Variants in HHIP observed in about 807,000 individuals in gnomAD.
HHIP encodes hedgehog-interacting protein.
In HHIP, 12 loss-of-function variants were observed where a neutral mutation model predicts 74.0. That is an observed-to-expected ratio of 0.16 (90% CI 0.10 to 0.26). The LOEUF (loss-of-function observed/expected upper bound fraction) is 0.26, where lower values mean the gene tolerates loss of function less well. Ranked by LOEUF, HHIP falls within the 10% of genes least tolerant of loss-of-function variation. The pLI is 1.00. For missense variants in HHIP, 788 were observed against 845.0 expected (o/e 0.93, Z 0.84); for synonymous variants, 309 against 311.6 (o/e 0.99, Z 0.09).
At chr4:144,702,996 C>G (rs1730029853) in intron 4 of HHIP, among the ~76,000 whole-genome samples, 1 of 152,108 alleles carries the variant, frequency 6.6e-6, no homozygotes, top group African/African-American at 2.4e-5. Context: ...GAGGGCGGAT[C>G]ACCTGAGGTC....
intron 2 of HHIP, among the ~76,000 whole-genome samples, chr4:144,656,491 C>T (rs1728560384): frequency 6.6e-6 from 1 of 152,128 alleles, no homozygotes; most frequent in South Asian, 2.1e-4. Context: ...AATTGACCAC[C>T]AGCATTGTTT....
chr4:144,685,083 G>C (rs1729452419), intron 4 of HHIP, among the ~76,000 whole-genome samples: 1 of 152,136 alleles, frequency 6.6e-6, no homozygotes, highest in Non-Finnish European at 1.5e-5. Context: ...CGTCCATGTG[G>C]GCCATAAGCT....
At chr4:144,716,739 C>A (rs1178219568) in intron 10 of HHIP, among the ~76,000 whole-genome samples, 3 of 151,234 alleles carry the variant, frequency 2.0e-5, no homozygotes, top group African/African-American at 4.9e-5. Context: ...ATCACAGTTA[C>A]TTGGGAGGCT....
chr4:144,684,068 A>AC (rs1332828187), intron 4 of HHIP, among the ~76,000 whole-genome samples: 18 of 150,612 alleles, frequency 1.2e-4, no homozygotes, highest in South Asian at 1.1e-3. Context: ...GTCTAAAAAA[A>AC]AAAGAAAAGA....
intron 4 of HHIP, among the ~76,000 whole-genome samples, chr4:144,665,261 G>T (rs1300470216): frequency 6.6e-6 from 1 of 152,066 alleles, no homozygotes; most frequent in Non-Finnish European, 1.5e-5. Context: ...TAGAGACAGG[G>T]TTTCCTCATG....
At chr4:144,666,217 C>T (rs1383050693) in intron 4 of HHIP, among the ~76,000 whole-genome samples, 2 of 149,454 alleles carry the variant, frequency 1.3e-5, no homozygotes, top group East Asian at 4.0e-4. Context: ...TACAGAATTC[C>T]CTTTTGAAGA....
intron 11 of HHIP, among the ~76,000 whole-genome samples, chr4:144,731,370 G>A (rs1378434416): frequency 6.6e-6 from 1 of 152,156 alleles, no homozygotes; most frequent in East Asian, 1.9e-4. Context: ...ATATTTCAGA[G>A]AGTGTATTTG....
chr4:144,711,322 G>T (rs1560715617), intron 7 of HHIP, among the ~76,000 whole-genome samples: 1 of 151,826 alleles, frequency 6.6e-6, no homozygotes, highest in Admixed American at 6.6e-5. Flanking sequence ...TAACACTGTT[G>T]TTTTTTTTAT....
rs569819777 is a variant in HHIP, at chr4:144,739,168, A to G, written c.*1211A>G. 6.6e-6 allele frequency: 1 copy of G among 152,372 alleles called. No homozygotes were observed. Among genetic ancestry groups the G allele is most frequent in the East Asian group, 1.9e-4 (1 of 5,186 alleles). The allele number at this position is 152,372 out of a possible 1,614,324, so 9.4% of individuals were successfully genotyped here. ...AAAATACTCTTTGGCTAATGTATCA[A>G]TAAATTTTCTGTAAATGTTCTGTTC... On this transcript the variant is annotated 3_prime_UTR_variant, in exon 13 of 13. Transcript: ENST00000296575.
rs1320799892 is a variant in HHIP at position 144,743,089 on chromosome 4, T to C, written c.*5132T>C. ...AACCATGGAACCTGCCAAACACTAA[T>C]CCTAGCCAACTTCAATCCTTCTTTC... On this transcript the variant is annotated 3_prime_UTR_variant, in exon 13 of 13. Transcript: ENST00000296575. The C allele has an allele frequency of 2.0e-5, 3 of 146,528 alleles. No individual in the cohort carries two copies. The highest frequency in any genetic ancestry group is 7.5e-5 in the African/African-American group (3 of 39,918). 9.1% of individuals were successfully genotyped at this position (146,528 alleles called of 1,614,324 possible).
chr4:144,731,997 T>C (rs1730971887), intron 11 of HHIP, among the ~76,000 whole-genome samples: 1 of 152,100 alleles, frequency 6.6e-6, no homozygotes, highest in Non-Finnish European at 1.5e-5. Context: ...TTATGTCTTA[T>C]CTCCCTGAAG....
intron 11 of HHIP, among the ~76,000 whole-genome samples, chr4:144,727,679 T>C (rs371615681): frequency 6.6e-6 from 1 of 152,206 alleles, no homozygotes; most frequent in African/African-American, 2.4e-5. Context: ...AGGTTTTCCC[T>C]GTAAGATATT....
intron 4 of HHIP, among the ~76,000 whole-genome samples, chr4:144,675,795 A>G (rs1276994415): frequency 1.3e-5 from 2 of 152,202 alleles, no homozygotes; most frequent in African/African-American, 4.8e-5. Context: ...GAGAATGTTT[A>G]GGTATATGAG....
intron 1 of HHIP, among the ~76,000 whole-genome samples, chr4:144,650,231 C>T (rs1034934982): frequency 6.6e-6 from 1 of 152,072 alleles, no homozygotes; most frequent in Admixed American, 6.5e-5. Flanking sequence ...TTATCTTACC[C>T]TTCTTCTATG....
chr4:144,682,482 G>A lies in HHIP; in HGVS notation c.831+22644G>A, dbSNP rs114452922. Among the ~76,000 whole-genome samples, 336 of 152,230 alleles carry A rather than the reference G, an allele frequency of 2.2e-3. 1 individual carries two copies. The highest frequency in any genetic ancestry group is 0.014 in the Middle Eastern group (4 of 294). The stretch of plus-strand genomic sequence containing the variant: ...AGTATTTCAGGGACTGTAATATATG[G>A]GAAATCTCTATCTCTGTTCAATTTT... On this transcript the variant is annotated intron_variant, in intron 4 of 12. Transcript: ENST00000296575.
In HHIP at chr4:144,734,723, T is replaced by C. The variant is rs200353089; in HGVS notation, c.1761-18T>C. 3 of 1,522,496 alleles carry C rather than the reference T, an allele frequency of 2.0e-6. No homozygotes were observed. The East Asian group carries it at 7.0e-5, about 35-fold the overall frequency. The allele number at this position is 1,522,496 out of a possible 1,614,324, so 94.3% of individuals were successfully genotyped here. A position where few individuals can be genotyped will look rare whatever the true frequency, so the allele number is the denominator to read the frequency against. On this transcript the variant is annotated intron_variant, in intron 11 of 12. Transcript: ENST00000296575. ...TTTTCAAATGGAATACACTTTCAAC[T>C]ATTGTGTTTTAATGTAGACCTTTAA... is the stretch of plus-strand genomic sequence containing the variant.
At chr4:144,711,753 T>C (rs1730312618) in intron 7 of HHIP, among the ~76,000 whole-genome samples, 197 bp from the exon 8 acceptor site, 1 of 152,226 alleles carries the variant, frequency 6.6e-6, no homozygotes, top group East Asian at 1.9e-4. Context: ...TTAAGAAATA[T>C]ATTCCAGAGA....
intron 4 of HHIP, among the ~76,000 whole-genome samples, chr4:144,680,430 G>A (rs972621153): frequency 1.3e-5 from 2 of 152,090 alleles, no homozygotes; most frequent in Non-Finnish European, 2.9e-5. Flanking sequence ...TTTACCCATG[G>A]TGCAACCTAG....
intron 9 of HHIP, chr4:144,715,004 A>G: frequency 3.8e-6 from 1 of 263,332 alleles, no homozygotes; most frequent in Non-Finnish European, 7.6e-6. Context: ...TTAATAGCAC[A>G]GCATGGATTC....
Sources: gnomAD v4.1 joint callset for allele counts (sites outside exome capture counted in the v4.1 genomes callset) on GRCh38, gnomAD v4.1.1 for gene constraint, MANE v1.5 for transcripts, NCBI Gene and HGNC (gene_info 2026-07-23, HGNC 2026-07-21) for gene names.